Variants in SMYD3 observed in about 807,000 individuals in gnomAD.
SMYD3 encodes the protein SET and MYND domain containing 3, also known as histone-lysine N-methyltransferase SMYD3.
In SMYD3, 36 loss-of-function variants were observed where a neutral mutation model predicts 57.7. The observed-to-expected ratio is 0.62, with a 90% confidence interval of 0.48 to 0.82. The LOEUF (loss-of-function observed/expected upper bound fraction) is 0.82, where lower values mean the gene tolerates loss of function less well. Among genes scored for constraint, SMYD3 ranks in the 40% least tolerant of loss-of-function variants. SMYD3 has a pLI of 0.00. For synonymous variants in SMYD3, 211 were observed against 195.0 expected (o/e 1.08, Z -0.68); for missense variants, 515 against 538.8 (o/e 0.96, Z 0.44).
At chr1:246,074,625 A>G (rs920161231) in intron 5 of SMYD3, among the ~76,000 whole-genome samples, 1 of 152,236 alleles carries the variant, frequency 6.6e-6, no homozygotes, top group Non-Finnish European at 1.5e-5. Flanking sequence ...AATTGAAGCC[A>G]GAAATTTTCT....
intron 5 of SMYD3, among the ~76,000 whole-genome samples, chr1:246,188,382 T>G (rs1403786932): frequency 6.6e-6 from 1 of 152,186 alleles, no homozygotes. Flanking sequence ...CAATGCCTAA[T>G]GGAGCCCTGC....
At chr1:246,059,214 C>A (rs369879324) in intron 5 of SMYD3, among the ~76,000 whole-genome samples, 22 of 151,972 alleles carry the variant, frequency 1.4e-4, no homozygotes, top group Non-Finnish European at 2.9e-4. Context: ...AATTCACCAG[C>A]GGTAAAAGTA....
At chr1:246,080,869 C>T (rs900004714) in intron 5 of SMYD3, among the ~76,000 whole-genome samples, 3 of 152,132 alleles carry the variant, frequency 2.0e-5, no homozygotes, top group African/African-American at 7.2e-5. Context: ...TGGTTAACAA[C>T]ACTAGGTAGT....
intron 5 of SMYD3, among the ~76,000 whole-genome samples, chr1:245,935,022 G>A (rs919378024): frequency 6.6e-6 from 1 of 152,202 alleles, no homozygotes; most frequent in African/African-American, 2.4e-5. Context: ...ACAGAAGCAA[G>A]TAGGAGATAT....
intron 5 of SMYD3, among the ~76,000 whole-genome samples, chr1:246,272,477 T>C (rs528366405): frequency 6.6e-6 from 1 of 152,302 alleles, no homozygotes; most frequent in Non-Finnish European, 1.5e-5. Context: ...TTCAGTGATT[T>C]TTGTCATGAA....
intron 10 of SMYD3, among the ~76,000 whole-genome samples, chr1:245,816,770 T>A (rs1167883013): frequency 6.6e-6 from 1 of 151,966 alleles, no homozygotes; most frequent in African/African-American, 2.4e-5. Context: ...CCTTTCCTAG[T>A]CAAAGAAAGG....
At chr1:245,958,856 T>C (rs1198984590) in intron 5 of SMYD3, among the ~76,000 whole-genome samples, 1 of 152,204 alleles carries the variant, frequency 6.6e-6, no homozygotes, top group Non-Finnish European at 1.5e-5. Context: ...TGAACCAGTA[T>C]TTAAGCAGAG....
At chr1:245,929,256 G>T (rs192182604) in intron 6 of SMYD3, among the ~76,000 whole-genome samples, 47 of 152,276 alleles carry the variant, frequency 3.1e-4, no homozygotes, top group Non-Finnish European at 5.6e-4. Context: ...AAGAAAAAAG[G>T]CTGAATTCTT....
intron 1 of SMYD3, among the ~76,000 whole-genome samples, chr1:246,447,114 T>C (rs1010673267): frequency 2.0e-5 from 3 of 152,184 alleles, no homozygotes; most frequent in African/African-American, 7.2e-5. Flanking sequence ...CTATATAGCT[T>C]TCAAGTAGCA....
intron 1 of SMYD3, among the ~76,000 whole-genome samples, chr1:246,381,188 A>T (rs540104238): frequency 3.9e-5 from 6 of 152,334 alleles, no homozygotes; most frequent in African/African-American, 1.4e-4. Flanking sequence ...CTCACTGGCC[A>T]GAACTCAGTC....
rs532215046 is a variant in SMYD3 at position 246,088,124 on chromosome 1, G to A, written c.532-158187C>T. On this transcript the variant is annotated intron_variant, in intron 5 of 11. Transcript: ENST00000490107. Reference sequence around the variant, plus strand: ...AGTGTAGACTGTCCCTATCTACAGCGAGCGCCATGCACTTATGAGCAGGAA... The same window carrying A: ...AGTGTAGACTGTCCCTATCTACAGCAAGCGCCATGCACTTATGAGCAGGAA... 3.3e-5 allele frequency among the ~76,000 whole-genome samples: 5 copies of A among 152,122 alleles called. No homozygotes were observed. In the East Asian group the frequency reaches 7.8e-4, roughly 24 times the overall value.
At chr1:245,921,246 C>G (rs1179108526) in intron 7 of SMYD3, among the ~76,000 whole-genome samples, 2 of 152,090 alleles carry the variant, frequency 1.3e-5, no homozygotes, top group Non-Finnish European at 2.9e-5. Context: ...TTACACCAGT[C>G]AGAATGGCTA....
intron 5 of SMYD3, among the ~76,000 whole-genome samples, chr1:246,137,375 A>C (rs1476212808): frequency 6.6e-6 from 1 of 152,224 alleles, no homozygotes; most frequent in Non-Finnish European, 1.5e-5. Flanking sequence ...GGGTATCTGC[A>C]CAAAGCAGAC....
chr1:246,313,367 G>A (rs1364449676), intron 5 of SMYD3, among the ~76,000 whole-genome samples: 1 of 152,166 alleles, frequency 6.6e-6, no homozygotes, highest in Non-Finnish European at 1.5e-5. Context: ...GATTGTGAAG[G>A]AGGAAAAACA....
At chr1:246,184,283 G>T (rs962977095) in intron 5 of SMYD3, among the ~76,000 whole-genome samples, 1 of 152,168 alleles carries the variant, frequency 6.6e-6, no homozygotes, top group East Asian at 1.9e-4. Flanking sequence ...AGAAAGAAAA[G>T]CAAGTATATT....
chr1:245,759,332 G>A (rs2251443), intron 11 of SMYD3, among the ~76,000 whole-genome samples: 25,793 of 151,792 alleles, frequency 0.17, 2,812 homozygotes, highest in African/African-American at 0.31. Flanking sequence ...CTCCCCACAC[G>A]GTAACGTATG....
At chr1:246,082,868 G>A (rs927969187) in intron 5 of SMYD3, among the ~76,000 whole-genome samples, 6 of 151,830 alleles carry the variant, frequency 4.0e-5, no homozygotes, top group African/African-American at 1.5e-4. Context: ...GGGTTAAATG[G>A]ATTAAGGGCG....
Sources: gnomAD v4.1 joint callset for allele counts (sites outside exome capture counted in the v4.1 genomes callset) on GRCh38, gnomAD v4.1.1 for gene constraint, MANE v1.5 for transcripts, NCBI Gene and HGNC (gene_info 2026-07-23, HGNC 2026-07-21) for gene names.